The following HS6ST3 variants were observed in gnomAD, a reference collection of about 807,000 sequenced individuals.
The protein encoded by HS6ST3 is heparan sulfate 6-O-sulfotransferase 3.
Under a neutral mutation model 36.7 loss-of-function variants are expected in HS6ST3, and 12 were observed. That is an observed-to-expected ratio of 0.33 (90% confidence interval 0.21 to 0.53). The LOEUF is 0.53. HS6ST3 is among the 20% of genes least tolerant of loss of function. The pLI is 0.95. For missense variants in HS6ST3, 584 were observed against 640.9 expected (o/e 0.91, Z 0.96); for synonymous variants, 240 against 257.5 (o/e 0.93, Z 0.65).
intron 1 of HS6ST3, among the ~76,000 whole-genome samples, chr13:96,484,045 A>G (rs2055902146): frequency 6.6e-6 from 1 of 152,152 alleles, no homozygotes; most frequent in South Asian, 2.1e-4. Context: ...GTCAAAGATC[A>G]GTTGACTATA....
intron 1 of HS6ST3, among the ~76,000 whole-genome samples, chr13:96,136,911 T>C (rs2054005194): frequency 6.6e-6 from 1 of 152,076 alleles, no homozygotes; most frequent in African/African-American, 2.4e-5. Context: ...CCTCATATCC[T>C]GTAGACTTTG....
chr13:96,733,414 C>T (rs894192430), intron 1 of HS6ST3, among the ~76,000 whole-genome samples: 2 of 152,036 alleles, frequency 1.3e-5, no homozygotes, highest in Admixed American at 6.6e-5. Context: ...TTTCATTGTG[C>T]TATTGTGCTG....
chr13:96,735,371 A>G (rs1876257641), intron 1 of HS6ST3, among the ~76,000 whole-genome samples: 1 of 152,234 alleles, frequency 6.6e-6, no homozygotes, highest in Non-Finnish European at 1.5e-5. Context: ...GGGAATCACA[A>G]TGGAAAGTTA....
At chr13:96,230,233 G>C (rs2054501571) in intron 1 of HS6ST3, among the ~76,000 whole-genome samples, 1 of 152,088 alleles carries the variant, frequency 6.6e-6, no homozygotes, top group South Asian at 2.1e-4. Context: ...GGATTGGAGT[G>C]GGCAACAGGA....
At chr13:96,453,334 T>C (rs2055739106) in intron 1 of HS6ST3, among the ~76,000 whole-genome samples, 1 of 152,082 alleles carries the variant, frequency 6.6e-6, no homozygotes, top group Non-Finnish European at 1.5e-5. Context: ...CCCTCACCCC[T>C]CTCCAACTCT....
intron 1 of HS6ST3, among the ~76,000 whole-genome samples, chr13:96,763,620 C>G (rs1253972706): frequency 2.6e-5 from 4 of 151,960 alleles, no homozygotes; most frequent in Admixed American, 6.6e-5. Flanking sequence ...CTAACTGCAT[C>G]GAGTTCAAAT....
intron 1 of HS6ST3, among the ~76,000 whole-genome samples, chr13:96,535,036 C>T (rs2056149708): frequency 6.6e-6 from 1 of 152,144 alleles, no homozygotes; most frequent in South Asian, 2.1e-4. Flanking sequence ...GCCTGCCCAG[C>T]TGTGTATTGA....
intron 1 of HS6ST3, among the ~76,000 whole-genome samples, chr13:96,413,853 A>C (rs2055520374): frequency 6.6e-6 from 1 of 152,192 alleles, no homozygotes; most frequent in Admixed American, 6.5e-5. Flanking sequence ...TTAGCATTTG[A>C]CCTCAAAATC....
intron 1 of HS6ST3, among the ~76,000 whole-genome samples, chr13:96,298,276 A>G (rs2054864952): frequency 6.6e-6 from 1 of 152,206 alleles, no homozygotes; most frequent in African/African-American, 2.4e-5. Flanking sequence ...CAAATTAAGT[A>G]AACAGAGATG....
intron 1 of HS6ST3, among the ~76,000 whole-genome samples, chr13:96,454,580 T>C (rs1448693360): frequency 6.6e-6 from 1 of 152,148 alleles, no homozygotes; most frequent in Non-Finnish European, 1.5e-5. Context: ...TGTGATGCTG[T>C]CTTCACTTGG....
intron 1 of HS6ST3, among the ~76,000 whole-genome samples, chr13:96,146,353 C>T (rs910505442): frequency 6.6e-6 from 1 of 152,030 alleles, no homozygotes; most frequent in Non-Finnish European, 1.5e-5. Flanking sequence ...TGTAGTTTTC[C>T]TTGAAGAGGT....
chr13:96,347,611 A>T (rs2055161885), intron 1 of HS6ST3, among the ~76,000 whole-genome samples: 1 of 152,228 alleles, frequency 6.6e-6, no homozygotes, highest in African/African-American at 2.4e-5. Context: ...ATAGAAATTA[A>T]TGATATAATC....
At chr13:96,137,411 G>A (rs1216668214) in intron 1 of HS6ST3, among the ~76,000 whole-genome samples, 1 of 148,670 alleles carries the variant, frequency 6.7e-6, no homozygotes, top group East Asian at 2.0e-4. Flanking sequence ...TTTGTTTCTT[G>A]CTCCCTAGAG....
chr13:96,693,729 A>G (rs1256377763), intron 1 of HS6ST3, among the ~76,000 whole-genome samples: 1 of 152,186 alleles, frequency 6.6e-6, no homozygotes, highest in Non-Finnish European at 1.5e-5. Context: ...AGTCGGTGTG[A>G]CACCATCCTT....
chr13:96,464,157 A>AAAAAAAAAAAAC (rs1400258215), intron 1 of HS6ST3, among the ~76,000 whole-genome samples: 1 of 149,416 alleles, frequency 6.7e-6, no homozygotes, highest in African/African-American at 2.4e-5. Flanking sequence ...AAAAAAAAAA[A>AAAAAAAAAAAAC]AAAATCAAAG....
chr13:96,354,456 TCTTTTA>T (rs1466046127), intron 1 of HS6ST3, among the ~76,000 whole-genome samples: 3 of 152,186 alleles, frequency 2.0e-5, no homozygotes, highest in Admixed American at 6.5e-5. Flanking sequence ...CATTTTGTAC[TCTTTTA>T]CTTTTATGAT....
At chr13:96,633,107 A>G (rs1186729658) in intron 1 of HS6ST3, among the ~76,000 whole-genome samples, 8 of 152,134 alleles carry the variant, frequency 5.3e-5, no homozygotes, top group African/African-American at 9.7e-5. Flanking sequence ...CCCTGCAGTG[A>G]GTGAAAACAT....
intron 1 of HS6ST3, among the ~76,000 whole-genome samples, chr13:96,759,966 GC>G (rs1876924780): frequency 6.6e-6 from 1 of 151,712 alleles, no homozygotes; most frequent in African/African-American, 2.4e-5. Context: ...TTTGCCTTCA[GC>G]CCACCTTTCA....
At chr13:96,431,075 G>A (rs1454938772) in intron 1 of HS6ST3, among the ~76,000 whole-genome samples, 4 of 151,998 alleles carry the variant, frequency 2.6e-5, no homozygotes, top group Admixed American at 2.0e-4. Context: ...GTGGTGGTAC[G>A]TGCCTGTAGC....
Sources: gnomAD v4.1 joint callset for allele counts (sites outside exome capture counted in the v4.1 genomes callset) on GRCh38, gnomAD v4.1.1 for gene constraint, MANE v1.5 for transcripts, NCBI Gene and HGNC (gene_info 2026-07-23, HGNC 2026-07-21) for gene names.